BICRA: variants seen among roughly 807,000 people sequenced by gnomAD.
The protein encoded by BICRA is BRD4-interacting chromatin-remodeling complex-associated protein.
Under a neutral mutation model 96.9 loss-of-function variants are expected in BICRA, and 31 were observed. The observed-to-expected ratio is 0.32, with a 90% confidence interval of 0.24 to 0.43. The LOEUF is 0.43. Ranked by LOEUF, BICRA falls within the 20% of genes least tolerant of loss-of-function variation. The probability of loss-of-function intolerance (pLI) is 1.00; values close to 1 mark genes in which losing one functional copy is unlikely to be tolerated. For missense variants in BICRA, 2,283 were observed against 2,190.3 expected (o/e 1.04, Z -0.84); for synonymous variants, 1,350 against 1,071.8 (o/e 1.26, Z -5.07).
At chr19:47,697,675 A>G (rs916241435) in intron 11 of BICRA, among the ~76,000 whole-genome samples, 8 of 151,790 alleles carry the variant, frequency 5.3e-5, no homozygotes, top group East Asian at 1.9e-4. Context: ...ACGGGGTTTC[A>G]TTATGTTGGC....
chr19:47,610,728 C>T (rs892726593), intron 1 of BICRA, among the ~76,000 whole-genome samples: 5 of 152,148 alleles, frequency 3.3e-5, no homozygotes, highest in Admixed American at 2.6e-4. Context: ...ACATCCAAGG[C>T]ATCAAGGCCT....
chr19:47,656,986 C>T (rs890081801), intron 1 of BICRA, among the ~76,000 whole-genome samples: 10 of 151,976 alleles, frequency 6.6e-5, no homozygotes, highest in Admixed American at 2.6e-4. Context: ...CTCAGCCTCC[C>T]GAGTAGCTGG....
At position 47,698,430 on chromosome 19, in the gene BICRA, G is replaced by A. The variant is rs907486934; in HGVS notation, c.3249-204G>A. Among the ~76,000 whole-genome samples the A allele has an allele frequency of 1.3e-5, 2 of 152,160 alleles. No homozygotes were observed. Among genetic ancestry groups the A allele is most frequent in the Non-Finnish European group, 2.9e-5 (2 of 68,020 alleles). Reference sequence around the variant, plus strand: ...TCCCTTTCTGTAAAATGGGGATAGCGATAGCACTGCTTTGGTCGGCCCCAG... The same window carrying A: ...TCCCTTTCTGTAAAATGGGGATAGCAATAGCACTGCTTTGGTCGGCCCCAG... On this transcript the variant is annotated intron_variant, in intron 11 of 14. Transcript: ENST00000594866. This position sits in a 1 kb window ranked among gnomAD's most constrained non-coding sequence, Gnocchi z 4.8.
At position 47,690,058 on chromosome 19, in the gene BICRA, A is replaced by G. The variant is rs555701138; in HGVS notation, c.2284-4057A>G. ...CTCTTTTTGCCCAGGCTGGAGTGCA[A>G]TGGCGTGATACTGGCTCACTGCAAC... On this transcript the variant is annotated intron_variant, in intron 7 of 14. Transcript: ENST00000594866. Among the ~76,000 whole-genome samples, 5 of 152,038 alleles carry G rather than the reference A, an allele frequency of 3.3e-5. No homozygotes were observed. In the South Asian group the frequency reaches 1.0e-3, roughly 32 times the overall value.
intron 1 of BICRA, among the ~76,000 whole-genome samples, chr19:47,646,339 C>T (rs1182837915): frequency 6.6e-6 from 1 of 152,160 alleles, no homozygotes; most frequent in Non-Finnish European, 1.5e-5. Flanking sequence ...TCCAGAGCGC[C>T]TGCAAAAATC....
At chr19:47,664,060 CGGA>C (rs1972741080) in intron 1 of BICRA, among the ~76,000 whole-genome samples, 1 of 152,126 alleles carries the variant, frequency 6.6e-6, no homozygotes, top group Admixed American at 6.6e-5. Context: ...CTTCTGCGAG[CGGA>C]GGAGGAGAGG....
intron 1 of BICRA, among the ~76,000 whole-genome samples, chr19:47,628,268 G>T (rs758622274): frequency 1.3e-5 from 2 of 152,142 alleles, no homozygotes; most frequent in Non-Finnish European, 2.9e-5. Context: ...TTGCACACCA[G>T]TTCCTGGGGG....
chr19:47,677,986 G>A (rs1972967159), intron 5 of BICRA, among the ~76,000 whole-genome samples: 1 of 152,222 alleles, frequency 6.6e-6, no homozygotes. Context: ...GTTGGTTCTG[G>A]TCAGGTTTTG....
At chr19:47,668,949 G>A (rs564245450) in intron 1 of BICRA, among the ~76,000 whole-genome samples, 3 of 151,784 alleles carry the variant, frequency 2.0e-5, no homozygotes, top group Non-Finnish European at 4.4e-5. Flanking sequence ...ATGAAACCTT[G>A]TCTCTACTTA....
chr19:47,685,798 C>CGT (rs1973147181), intron 7 of BICRA, among the ~76,000 whole-genome samples: 3 of 137,138 alleles, frequency 2.2e-5, no homozygotes, highest in African/African-American at 8.0e-5. Flanking sequence ...CGCGCGCGCG[C>CGT]GCATGCGTAC....
chr19:47,673,589 T>C lies in BICRA; in HGVS notation c.15T>C (p.Asp5=). Residue 5 remains aspartate (D), a synonymous_variant, in exon 3 of 15, where the codon GAT becomes GAC. Transcript: ENST00000594866. Reference sequence around the variant, plus strand: ...ATCCAGTGGCGATGGATGATGAGGATGGGAGATGCTTACTAGACGTGATTT... The same window carrying C: ...ATCCAGTGGCGATGGATGATGAGGACGGGAGATGCTTACTAGACGTGATTT... MDDE[D]GRCLLDVICD... is the part of the protein sequence containing the mutation. 6.2e-7 allele frequency: 1 copy of C among 1,613,016 alleles called. No homozygotes were observed. The highest frequency in any genetic ancestry group is 8.5e-7 in the Non-Finnish European group (1 of 1,179,122).
upstream of BICRA, chr19:47,608,510 ACG>A (rs1430855661): frequency 6.6e-6 from 1 of 152,024 alleles, no homozygotes; most frequent in African/African-American, 2.4e-5. Flanking sequence ...GCCTCAGGGG[ACG>A]CGCCCAGGAC....
chr19:47,622,723 C>CAAAA (rs756030830), intron 1 of BICRA, among the ~76,000 whole-genome samples: 2 of 31,882 alleles, frequency 6.3e-5, no homozygotes, highest in African/African-American at 1.3e-4. Flanking sequence ...GACTCTGTCT[C>CAAAA]AAAAAAAAAA....
rs1467710797 is a variant in BICRA, at chr19:47,680,968, G to A, written c.1798G>A (p.Asp600Asn). 11 of 1,471,786 alleles carry A rather than the reference G, an allele frequency of 7.5e-6. No individual in the cohort carries two copies. Among genetic ancestry groups the A allele is most frequent in the Non-Finnish European group, 8.9e-6 (10 of 1,121,798 alleles). The allele number at this position is 1,471,786 out of a possible 1,614,324, so 91.2% of individuals were successfully genotyped here. Residue 600 changes from aspartate (D) to asparagine (N), a missense_variant, in exon 6 of 15, where the codon GAC (aspartate) becomes AAC (asparagine). Physicochemically the swap from Asp to Asn is conservative, Grantham distance 23 (BLOSUM62 1). Coordinates refer to ENST00000594866, the MANE Select transcript of BICRA (RefSeq NM_001394372.1). Reference protein sequence around the residue: ...PSAVAMLNTPDGLVQPATPAA... With the variant: ...PSAVAMLNTPNGLVQPATPAA... ...CGCCGTGGCCATGCTCAACACCCCC[G>A]ACGGCCTGGTGCAGCCGGCCACCCC...
chr19:47,683,637 T>C (rs1023839714), intron 7 of BICRA, among the ~76,000 whole-genome samples: 1 of 150,610 alleles, frequency 6.6e-6, no homozygotes, highest in African/African-American at 2.4e-5. Context: ...CAGGCTGGAG[T>C]GCGGTGTCGC....
Position 47,701,921 on chromosome 19 carries a change from G to A in BICRA, c.4189G>A (p.Gly1397Ser). 2 of 1,432,630 alleles carry A rather than the reference G, an allele frequency of 1.4e-6. No individual in the cohort carries two copies. Among genetic ancestry groups the A allele is most frequent in the South Asian group, 1.4e-5 (1 of 71,858 alleles). The allele number at this position is 1,432,630 out of a possible 1,614,324, so 88.7% of individuals were successfully genotyped here. A position where few individuals can be genotyped will look rare whatever the true frequency, so the allele number is the denominator to read the frequency against. The change falls in exon 15 of 15, where the codon GGC (glycine) becomes AGC (serine). Residue 1397 changes from glycine (G) to serine (S), a missense_variant. Coordinates refer to ENST00000594866, the MANE Select transcript of BICRA (RefSeq NM_001394372.1). The surrounding 1 kb of genome is among the most constrained non-coding windows in gnomAD (Gnocchi z 5.4). The stretch of plus-strand genomic sequence containing the variant: ...CAAGACCTACCGCGAGAACGTGGGG[G>A]GCCCTGGCGCGCCGGAGGGGACGCC... ...LRKTYRENVG[G>S]PGAPEGTPAG...
intron 1 of BICRA, among the ~76,000 whole-genome samples, chr19:47,609,802 C>T (rs1971870274): frequency 6.6e-6 from 1 of 152,074 alleles, no homozygotes; most frequent in South Asian, 2.1e-4. Flanking sequence ...CCCTGGAAAG[C>T]TGGGGAGGGA....
Position 47,701,584 on chromosome 19 carries a change from C to T in BICRA, c.3852C>T (p.Asp1284=). The T allele has an allele frequency of 6.4e-7, 1 of 1,555,526 alleles. No individual in the cohort carries two copies. The highest frequency in any genetic ancestry group is 8.7e-7 in the Non-Finnish European group (1 of 1,150,446). Residue 1284 remains aspartate, a synonymous_variant, in exon 15 of 15, where the codon GAC becomes GAT. Transcript: ENST00000594866. This position sits in a 1 kb window ranked among gnomAD's most constrained non-coding sequence, Gnocchi z 5.4. ...CTGCCGCCTCCTCCTTGGACGCCGACGAGGACGGCCCCATGCCCTCCCGCA... is the reference window on the plus strand; with the variant it reads ...CTGCCGCCTCCTCCTTGGACGCCGATGAGGACGGCCCCATGCCCTCCCGCA... ...SSSAASSLDA[D]EDGPMPSRNR...
chr19:47,627,855 C>T (rs1485587011), intron 1 of BICRA, among the ~76,000 whole-genome samples: 3 of 152,120 alleles, frequency 2.0e-5, no homozygotes, highest in Non-Finnish European at 2.9e-5. Flanking sequence ...CTGCAACCTC[C>T]ACCTCCCGGG....
Sources: allele counts gnomAD v4.1 joint callset (sites outside exome capture counted in the v4.1 genomes callset), GRCh38; gene constraint gnomAD v4.1.1; non-coding constraint Gnocchi (gnomAD v3.1); transcripts MANE v1.5; gene names NCBI Gene and HGNC (gene_info 2026-07-23, HGNC 2026-07-21).